The following ILDR1 variants were observed in gnomAD, a reference collection of about 807,000 sequenced individuals.
ILDR1 encodes immunoglobulin-like domain-containing receptor 1.
Under a neutral mutation model 62.4 loss-of-function variants are expected in ILDR1, and 56 were observed. That is an observed-to-expected ratio of 0.90 (90% confidence interval 0.72 to 1.12). The LOEUF (loss-of-function observed/expected upper bound fraction) is 1.12. ILDR1 is among the 50% of genes most tolerant of loss of function. The probability of loss-of-function intolerance (pLI) is 0.00; values close to 1 mark genes in which losing one functional copy is unlikely to be tolerated. For synonymous variants in ILDR1, 284 were observed against 277.8 expected (o/e 1.02, Z -0.22); for missense variants, 736 against 710.6 (o/e 1.04, Z -0.41).
chr3:122,023,652 T>A (rs1401496906), upstream of ILDR1, among the ~76,000 whole-genome samples: 1 of 151,950 alleles, frequency 6.6e-6, no homozygotes, highest in African/African-American at 2.4e-5. Context: ...CTTCTTCCGG[T>A]TCCCTCCTGG....
intron 1 of ILDR1, among the ~76,000 whole-genome samples, chr3:122,015,625 G>A (rs2071765892): frequency 6.6e-6 from 1 of 152,166 alleles, no homozygotes; most frequent in Non-Finnish European, 1.5e-5. Context: ...GGACATGTTT[G>A]CTTCCCCTTC....
upstream of ILDR1, among the ~76,000 whole-genome samples, chr3:122,023,278 A>G (rs543243219): frequency 6.6e-5 from 10 of 152,240 alleles, no homozygotes; most frequent in African/African-American, 2.4e-4. Flanking sequence ...ACCTTGCCAG[A>G]TCAAGGTTTT....
chr3:122,045,465 G>T, the ILDR1 span, among the ~76,000 whole-genome samples: 1 of 152,032 alleles, frequency 6.6e-6, no homozygotes, highest in African/African-American at 2.4e-5. Context: ...TCAATTCCTG[G>T]GTATCCCTGT....
At chr3:122,044,359 G>T in the ILDR1 span, among the ~76,000 whole-genome samples, 1 of 125,076 alleles carries the variant, frequency 8.0e-6, no homozygotes, top group African/African-American at 3.3e-5. Context: ...GTTCATCAAG[G>T]ATATTGGTCT....
the ILDR1 span, among the ~76,000 whole-genome samples, chr3:122,028,173 G>GA: frequency 0.049 from 7,097 of 143,522 alleles, 434 homozygotes; most frequent in African/African-American, 0.14. Context: ...TAAAAATACG[G>GA]AAAAAAAAAA....
the ILDR1 span, among the ~76,000 whole-genome samples, chr3:122,050,200 T>C: frequency 6.6e-6 from 1 of 152,206 alleles, no homozygotes; most frequent in African/African-American, 2.4e-5. Flanking sequence ...TGGATCTTAT[T>C]TTTTTAAAAC....
intron 7 of ILDR1, among the ~76,000 whole-genome samples, chr3:121,989,089 C>T (rs2071298739): frequency 6.6e-6 from 1 of 152,054 alleles, no homozygotes; most frequent in Non-Finnish European, 1.5e-5. Flanking sequence ...TGTAACCTTC[C>T]TCATCTTATT....
the ILDR1 span, among the ~76,000 whole-genome samples, chr3:122,050,205 T>A: frequency 2.6e-5 from 4 of 152,242 alleles, no homozygotes; most frequent in Admixed American, 2.6e-4. Flanking sequence ...CTTATTTTTT[T>A]AAAACTCATT....
At chr3:122,017,096 G>C (rs763325556) in intron 1 of ILDR1, among the ~76,000 whole-genome samples, 9 of 151,890 alleles carry the variant, frequency 5.9e-5, no homozygotes, top group Non-Finnish European at 1.2e-4. Flanking sequence ...TGCCCAGGCT[G>C]GAGTGAAATG....
chr3:122,051,026 T>C, the ILDR1 span, among the ~76,000 whole-genome samples: 1 of 152,242 alleles, frequency 6.6e-6, no homozygotes, highest in Non-Finnish European at 1.5e-5. Context: ...AGTGTCCTTG[T>C]ATGTAATGAA....
the ILDR1 span, among the ~76,000 whole-genome samples, chr3:122,027,426 G>C: frequency 5.9e-5 from 9 of 152,184 alleles, no homozygotes; most frequent in Non-Finnish European, 1.3e-4. Context: ...CTGACCTCAG[G>C]TGGTCCACCC....
chr3:122,030,139 C>T, the ILDR1 span, among the ~76,000 whole-genome samples: 29 of 152,208 alleles, frequency 1.9e-4, no homozygotes, highest in African/African-American at 6.5e-4. Flanking sequence ...AACCAAGGAA[C>T]TTTAATTGCA....
At chr3:122,030,575 T>C in the ILDR1 span, among the ~76,000 whole-genome samples, 1 of 151,926 alleles carries the variant, frequency 6.6e-6, no homozygotes, top group Non-Finnish European at 1.5e-5. Flanking sequence ...ATGGTTTCCC[T>C]TTCATTATCT....
At chr3:122,035,082 C>T in the ILDR1 span, among the ~76,000 whole-genome samples, 2 of 152,244 alleles carry the variant, frequency 1.3e-5, no homozygotes, top group Admixed American at 1.3e-4. Flanking sequence ...GTTTTCATCA[C>T]CAGGCTGGCT....
chr3:122,060,565 T>G, the ILDR1 span, among the ~76,000 whole-genome samples: 1 of 151,950 alleles, frequency 6.6e-6, no homozygotes, highest in Admixed American at 6.6e-5. Context: ...GGAGGATGGC[T>G]TGAGGCGAGG....
intron 7 of ILDR1, among the ~76,000 whole-genome samples, chr3:121,990,355 G>A (rs1312312805): frequency 1.3e-5 from 2 of 152,202 alleles, no homozygotes; most frequent in Admixed American, 6.5e-5. Flanking sequence ...GAATATGAAT[G>A]GAAAGTTGAA....
chr3:122,017,264 G>T (rs1315068934), intron 1 of ILDR1, among the ~76,000 whole-genome samples: 4 of 152,036 alleles, frequency 2.6e-5, no homozygotes, highest in African/African-American at 9.7e-5. Context: ...GGCCAGGCTG[G>T]TCTTGAACTC....
At chr3:122,033,039 C>T in the ILDR1 span, among the ~76,000 whole-genome samples, 1 of 152,202 alleles carries the variant, frequency 6.6e-6, no homozygotes, top group South Asian at 2.1e-4. Context: ...CAATAGATAA[C>T]CAATGTAGTA....
chr3:122,021,216 T>C (rs1325727855), intron 1 of ILDR1, among the ~76,000 whole-genome samples: 3 of 152,156 alleles, frequency 2.0e-5, no homozygotes, highest in East Asian at 1.9e-4. Context: ...AGGGAACTTA[T>C]AAATTCTTCT....
Sources: allele counts gnomAD v4.1 joint callset (sites outside exome capture counted in the v4.1 genomes callset), GRCh38; gene constraint gnomAD v4.1.1; transcripts MANE v1.5; gene names NCBI Gene and HGNC (gene_info 2026-07-23, HGNC 2026-07-21).